The following EPC1 variants were observed in gnomAD, a reference collection of about 807,000 sequenced individuals.
EPC1 encodes enhancer of polycomb 1.
Under a neutral mutation model 98.4 loss-of-function variants are expected in EPC1, and 12 were observed. The ratio of observed to expected loss-of-function variants is 0.12; its 90% confidence interval spans 0.08 to 0.20. EPC1 has a LOEUF of 0.20. Among genes scored for constraint, EPC1 ranks in the 10% least tolerant of loss-of-function variants. The pLI is 1.00. For synonymous variants in EPC1, 357 were observed against 363.9 expected, an observed-to-expected ratio of 0.98 and a Z score of 0.21; for missense variants, 729 against 990.5, an observed-to-expected ratio of 0.74 and a Z score of 3.54.
chr10:32,341,991 C>G (rs1838387576), intron 1 of EPC1, among the ~76,000 whole-genome samples: 1 of 152,218 alleles, frequency 6.6e-6, no homozygotes, highest in Non-Finnish European at 1.5e-5. Context: ...ATTATTTCCA[C>G]ATAATCCTCA....
chr10:32,300,678 C>G (rs1203954432), intron 2 of EPC1, among the ~76,000 whole-genome samples: 1 of 152,078 alleles, frequency 6.6e-6, no homozygotes, highest in Non-Finnish European at 1.5e-5. Flanking sequence ...AGGTGATCTG[C>G]CTGCCTCGGC....
intron 1 of EPC1, chr10:32,345,074 A>G: frequency 1.1e-6 from 1 of 888,792 alleles, no homozygotes; most frequent in Non-Finnish European, 1.3e-6. Flanking sequence ...ATTATCTGTA[A>G]AACTTAGAAA....
chr10:32,365,603 A>G (rs1223552603), intron 1 of EPC1, among the ~76,000 whole-genome samples: 1 of 151,988 alleles, frequency 6.6e-6, no homozygotes, highest in Non-Finnish European at 1.5e-5. Flanking sequence ...ATTTGAGGTC[A>G]GGAGTTCCAG....
At position 32,293,695 on chromosome 10, in the gene EPC1, G is replaced by A; in HGVS notation, c.356C>T (p.Ser119Phe). 6.2e-7 allele frequency: 1 copy of A among 1,613,428 alleles called. No homozygotes were observed. Residue 119 changes from serine (S) to phenylalanine (F), a missense_variant, in exon 3 of 14, where the codon TCT becomes TTT. Coordinates refer to ENST00000319778, the MANE Select transcript of EPC1 (RefSeq NM_001272004.3). ...DAEQPDYDLD[S>F]EDEVFVNKLK... Reference sequence around the variant, plus strand: ...TTTATTCACAAATACTTCATCTTCAGAATCCAAATCATAATCAGGCTGTTC... The same window carrying A: ...TTTATTCACAAATACTTCATCTTCAAAATCCAAATCATAATCAGGCTGTTC...
At chr10:32,366,128 A>G (rs1839597569) in intron 1 of EPC1, among the ~76,000 whole-genome samples, 1 of 152,158 alleles carries the variant, frequency 6.6e-6, no homozygotes, top group Non-Finnish European at 1.5e-5. Flanking sequence ...AGCGAAACTC[A>G]GGCTAAAAAC....
At chr10:32,330,451 G>T (rs1410046232) in intron 1 of EPC1, among the ~76,000 whole-genome samples, 1 of 152,166 alleles carries the variant, frequency 6.6e-6, no homozygotes, top group African/African-American at 2.4e-5. Context: ...ACAGAAAACA[G>T]CATTTACATC....
At chr10:32,306,061 A>T in intron 1 of EPC1, 130 bp from the exon 2 acceptor site, 1 of 800,234 alleles carries the variant, frequency 1.2e-6, no homozygotes. Context: ...TCTTAAAAGC[A>T]TGTTGTTAAC....
At chr10:32,342,966 G>T (rs1838465573) in intron 1 of EPC1, among the ~76,000 whole-genome samples, 1 of 152,148 alleles carries the variant, frequency 6.6e-6, no homozygotes, top group Non-Finnish European at 1.5e-5. Flanking sequence ...AGAATGCGAA[G>T]CCGTAGCACA....
At chr10:32,332,131 A>G (rs2132975228) in intron 1 of EPC1, among the ~76,000 whole-genome samples, 1 of 152,334 alleles carries the variant, frequency 6.6e-6, no homozygotes, top group South Asian at 2.1e-4. Flanking sequence ...TTTGCTTTCA[A>G]AGGGTTTGTT....
At chr10:32,292,068 G>C (rs1274230120) in intron 5 of EPC1, 2 of 152,168 alleles carry the variant, frequency 1.3e-5, no homozygotes, top group African/African-American at 4.8e-5. Flanking sequence ...CTAGAAATAG[G>C]GCAGAAGTTT....
intron 1 of EPC1, among the ~76,000 whole-genome samples, chr10:32,323,739 C>G (rs1283606284): frequency 1.3e-5 from 2 of 152,140 alleles, no homozygotes; most frequent in African/African-American, 4.8e-5. Context: ...AGCATGGTCC[C>G]TAGCATACAC....
chr10:32,357,121 C>T (rs958346448), intron 1 of EPC1, among the ~76,000 whole-genome samples: 1 of 152,178 alleles, frequency 6.6e-6, no homozygotes, highest in Non-Finnish European at 1.5e-5. Context: ...CAGGACATAG[C>T]CAGGGACACA....
intron 1 of EPC1, among the ~76,000 whole-genome samples, chr10:32,343,493 G>A (rs1013610049): frequency 1.3e-5 from 2 of 152,230 alleles, no homozygotes; most frequent in African/African-American, 2.4e-5. Context: ...TTACAGGCGT[G>A]AGCCACCGCA....
At chr10:32,346,241 C>G (rs1364315410) in intron 1 of EPC1, among the ~76,000 whole-genome samples, 1 of 152,236 alleles carries the variant, frequency 6.6e-6, no homozygotes, top group East Asian at 1.9e-4. Flanking sequence ...GCCCAACAAG[C>G]TTCCCAGACC....
At chr10:32,344,458 A>G (rs1838614046) in intron 1 of EPC1, among the ~76,000 whole-genome samples, 1 of 152,100 alleles carries the variant, frequency 6.6e-6, no homozygotes, top group African/African-American at 2.4e-5. Flanking sequence ...GGGACTCCAC[A>G]TGTTACAAAC....
intron 1 of EPC1, chr10:32,345,429 A>G: frequency 2.0e-6 from 2 of 985,222 alleles, no homozygotes; most frequent in African/African-American, 1.7e-5. Flanking sequence ...TAATTTCTAC[A>G]TTAAAAATTC....
intron 1 of EPC1, among the ~76,000 whole-genome samples, chr10:32,307,015 G>A (rs1835912787): frequency 6.6e-6 from 1 of 152,044 alleles, no homozygotes; most frequent in African/African-American, 2.4e-5. Context: ...ATTTAAATAT[G>A]TAAAGGAATA....
chr10:32,376,587 T>A (rs1839876723), intron 1 of EPC1, among the ~76,000 whole-genome samples: 1 of 152,068 alleles, frequency 6.6e-6, no homozygotes, highest in East Asian at 1.9e-4. Flanking sequence ...AAACAAAATA[T>A]GGGCTAATAC....
intron 6 of EPC1, among the ~76,000 whole-genome samples, chr10:32,290,483 CAAAAAAAAAAAAAAA>C (rs57193296): frequency 2.5e-5 from 1 of 40,158 alleles, no homozygotes; most frequent in Admixed American, 3.0e-4. Context: ...AAGACTCTGT[CAAAAAAAAAAAAAAA>C]AAAAAAAAAA....
Sources: allele counts gnomAD v4.1 joint callset (sites outside exome capture counted in the v4.1 genomes callset), GRCh38; gene constraint gnomAD v4.1.1; transcripts MANE v1.5; gene names NCBI Gene and HGNC (gene_info 2026-07-23, HGNC 2026-07-21).